TSHR: variants seen among roughly 807,000 people sequenced by gnomAD.
TSHR encodes thyroid stimulating hormone receptor, also known as thyrotropin receptor.
A neutral mutation model predicts 64.1 loss-of-function variants in TSHR; 51 were observed. The observed-to-expected ratio is 0.80, with a 90% CI of 0.64 to 1.01. TSHR has a LOEUF of 1.01. Ranked by LOEUF, TSHR falls within the 50% of genes least tolerant of loss-of-function variation. The probability of loss-of-function intolerance (pLI) is 0.00; values close to 1 mark genes in which losing one functional copy is unlikely to be tolerated. For missense variants in TSHR, 877 were observed against 942.8 expected (o/e 0.93, Z 0.91); for synonymous variants, 361 against 361.9 (o/e 1.00, Z 0.03).
At chr14:81,081,329 T>C (rs898478686) in intron 3 of TSHR, among the ~76,000 whole-genome samples, 1 of 152,150 alleles carries the variant, frequency 6.6e-6, no homozygotes, top group Non-Finnish European at 1.5e-5. Context: ...TATTATCAAA[T>C]GATGAGAGTT....
chr14:81,067,647 T>C (rs1451163999), intron 2 of TSHR, among the ~76,000 whole-genome samples: 2 of 149,448 alleles, frequency 1.3e-5, no homozygotes, highest in Non-Finnish European at 3.0e-5. Context: ...AATAAAAGTA[T>C]TTGACTCATC....
intron 3 of TSHR, among the ~76,000 whole-genome samples, chr14:81,070,348 G>A (rs1886966222): frequency 4.6e-5 from 7 of 152,198 alleles, no homozygotes; most frequent in Admixed American, 3.9e-4. Flanking sequence ...AGCCAGCAAG[G>A]CTGGGCGCGC....
At chr14:81,068,404 C>A in intron 3 of TSHR, 76 bp downstream of exon 3, 1 of 1,366,298 alleles carries the variant, frequency 7.3e-7, no homozygotes, top group Non-Finnish European at 1.0e-6. Flanking sequence ...CTCCAGATGG[C>A]AATGGGAGCT....
At chr14:81,020,566 G>T (rs567834362) in intron 1 of TSHR, among the ~76,000 whole-genome samples, 94 of 152,334 alleles carry the variant, frequency 6.2e-4, no homozygotes, top group African/African-American at 2.1e-3. Flanking sequence ...CTGAGGCAGC[G>T]ATGCTAGCAC....
At chr14:81,109,148 A>T (rs367852718) in intron 8 of TSHR, among the ~76,000 whole-genome samples, 2 of 152,220 alleles carry the variant, frequency 1.3e-5, no homozygotes, top group South Asian at 4.2e-4. Context: ...AGTGTCTCAC[A>T]CCTGTAATCC....
At chr14:81,102,018 A>C (rs1376831646) in intron 7 of TSHR, among the ~76,000 whole-genome samples, 1 of 151,894 alleles carries the variant, frequency 6.6e-6, no homozygotes, top group Non-Finnish European at 1.5e-5. Flanking sequence ...AAAAATACAA[A>C]AAAATTAGCT....
At position 80,955,750 on chromosome 14, in the gene TSHR, TG is replaced by T. The variant is rs763266880; in HGVS notation, c.71del (p.Cys24PhefsTer34). ...DLPRDLGGMG[C>X]SSPPCECHQE... ...GCCCAGGGACCTGGGCGGAATGGGGTGTTCGTCTCCACCCTGCGAGTGCCAT... is the reference window on the plus strand; with the variant it reads ...GCCCAGGGACCTGGGCGGAATGGGGTTTCGTCTCCACCCTGCGAGTGCCAT... On this transcript the variant is annotated frameshift_variant, in exon 1 of 10. Transcript: ENST00000298171. LOFTEE classifies it high-confidence loss of function. 6.2e-7 allele frequency: 1 copy of T among 1,613,928 alleles called. No individual in the cohort carries two copies. Among genetic ancestry groups the T allele is most frequent in the African/African-American group, 1.3e-5 (1 of 74,956 alleles).
chr14:81,028,110 G>A (rs188159520), intron 1 of TSHR, among the ~76,000 whole-genome samples: 2 of 152,118 alleles, frequency 1.3e-5, no homozygotes, highest in South Asian at 4.1e-4. Context: ...GATACATAAA[G>A]TTATATCTTA....
At chr14:81,123,572 C>T (rs537822996) in intron 8 of TSHR, among the ~76,000 whole-genome samples, 1 of 152,158 alleles carries the variant, frequency 6.6e-6, no homozygotes, top group Non-Finnish European at 1.5e-5. Context: ...CTTCAAAAAT[C>T]GTAAACTCCA....
In TSHR at chr14:81,072,095, T is replaced by C. The variant is rs565506391; in HGVS notation, c.317+3767T>C. Among the ~76,000 whole-genome samples the C allele has an allele frequency of 1.3e-4, 20 of 152,322 alleles. 1 individual carries two copies. The highest frequency in any genetic ancestry group is 4.1e-4 in the African/African-American group (17 of 41,578). ...ATGTAGTTGGTCACCTATTATAATG[T>C]GCATCTGTTATTTACATAGTGATTT... On this transcript the variant is annotated intron_variant, in intron 3 of 9. Coordinates refer to ENST00000298171, the MANE Select transcript of TSHR (RefSeq NM_000369.5).
At chr14:81,059,251 CT>C (rs1886050386) in intron 1 of TSHR, among the ~76,000 whole-genome samples, 1 of 152,012 alleles carries the variant, frequency 6.6e-6, no homozygotes, top group African/African-American at 2.4e-5. Flanking sequence ...AAATAGATAC[CT>C]TAGAAGAAAA....
intron 8 of TSHR, among the ~76,000 whole-genome samples, chr14:81,131,768 G>A (rs1049973604): frequency 2.6e-5 from 4 of 152,014 alleles, no homozygotes; most frequent in African/African-American, 7.3e-5. Context: ...CCCACTCCTG[G>A]TCTCTGCCTT....
At chr14:81,044,344 A>T (rs899881782) in intron 1 of TSHR, among the ~76,000 whole-genome samples, 1 of 152,150 alleles carries the variant, frequency 6.6e-6, no homozygotes, top group South Asian at 2.1e-4. Flanking sequence ...AACATCACTG[A>T]TCATTAGAAA....
At chr14:81,122,578 G>T (rs1420632358) in intron 8 of TSHR, among the ~76,000 whole-genome samples, 1 of 152,178 alleles carries the variant, frequency 6.6e-6, no homozygotes, top group Non-Finnish European at 1.5e-5. Flanking sequence ...AGAAGAGTGT[G>T]TCAGGAGAGG....
chr14:81,083,536 G>T (rs929067335), intron 3 of TSHR, among the ~76,000 whole-genome samples: 2 of 151,176 alleles, frequency 1.3e-5, no homozygotes, highest in Non-Finnish European at 2.9e-5. Context: ...GCTGCTAAGT[G>T]TATAACAGGA....
intron 8 of TSHR, among the ~76,000 whole-genome samples, chr14:81,120,460 C>G (rs1266628288): frequency 6.6e-6 from 1 of 152,044 alleles, no homozygotes; most frequent in Admixed American, 6.6e-5. Context: ...GGATTGTTTT[C>G]TTTGTTTCTT....
chr14:81,081,453 A>G (rs1887903556), intron 3 of TSHR, among the ~76,000 whole-genome samples: 3 of 152,134 alleles, frequency 2.0e-5, no homozygotes, highest in African/African-American at 7.2e-5. Flanking sequence ...CCCTTGGCAC[A>G]CCACCCTCCA....
chr14:81,092,743 A>G (rs1214076865), intron 6 of TSHR, 135 bp downstream of exon 6: 2 of 815,774 alleles, frequency 2.5e-6, no homozygotes, highest in African/African-American at 3.4e-5. Flanking sequence ...TTACACAATT[A>G]AATAATAGTA....
intron 2 of TSHR, among the ~76,000 whole-genome samples, chr14:81,064,834 G>C (rs1466070158): frequency 6.6e-6 from 1 of 152,014 alleles, no homozygotes; most frequent in Non-Finnish European, 1.5e-5. Context: ...GCTAAAGAGA[G>C]TGAAGAAAGA....
Sources: gnomAD v4.1 joint callset for allele counts (sites outside exome capture counted in the v4.1 genomes callset) on GRCh38, gnomAD v4.1.1 for gene constraint, MANE v1.5 for transcripts, NCBI Gene and HGNC (gene_info 2026-07-23, HGNC 2026-07-21) for gene names.